Variants in STK32B observed in about 807,000 individuals in gnomAD.
STK32B encodes serine/threonine-protein kinase 32B.
Under a neutral mutation model 52.6 loss-of-function variants are expected in STK32B, and 43 were observed. That is an observed-to-expected ratio of 0.82 (90% CI 0.64 to 1.05). The LOEUF (loss-of-function observed/expected upper bound fraction) is 1.05. STK32B is among the 50% of genes least tolerant of loss of function. The pLI is 0.00. For missense variants in STK32B, 621 were observed against 534.6 expected, an observed-to-expected ratio of 1.16 and a Z score of -1.59; for synonymous variants, 238 against 204.3, an observed-to-expected ratio of 1.17 and a Z score of -1.41.
chr4:5,198,814 G>A (rs908914573), intron 3 of STK32B, among the ~76,000 whole-genome samples: 2 of 152,180 alleles, frequency 1.3e-5, no homozygotes, highest in Admixed American at 6.5e-5. Context: ...GTCACATTTC[G>A]GTGGCACTGG....
intron 3 of STK32B, among the ~76,000 whole-genome samples, chr4:5,223,293 G>A (rs1723654853): frequency 6.6e-6 from 1 of 152,148 alleles, no homozygotes; most frequent in Admixed American, 6.5e-5. Flanking sequence ...TCTGCTGCAG[G>A]GGCAGAGCTG....
chr4:5,458,516 C>T (rs1716761481), intron 8 of STK32B: 1 of 152,174 alleles, frequency 6.6e-6, no homozygotes, highest in Non-Finnish European at 1.5e-5. Flanking sequence ...TATTAAAAGG[C>T]AGAAGCAGGA....
intron 2 of STK32B, among the ~76,000 whole-genome samples, chr4:5,149,686 T>A (rs1717189189): frequency 6.6e-6 from 1 of 151,848 alleles, no homozygotes; most frequent in Non-Finnish European, 1.5e-5. Context: ...AAATTATAAA[T>A]CTCTAATACA....
intron 7 of STK32B, among the ~76,000 whole-genome samples, chr4:5,454,148 C>T (rs1171044236): frequency 6.6e-6 from 1 of 152,150 alleles, no homozygotes; most frequent in Non-Finnish European, 1.5e-5. Flanking sequence ...CCGCTCATGC[C>T]GGGCCCCATC....
intron 3 of STK32B, among the ~76,000 whole-genome samples, chr4:5,248,668 A>G (rs1359795053): frequency 2.0e-5 from 3 of 152,224 alleles, no homozygotes; most frequent in Non-Finnish European, 4.4e-5. Context: ...AAAGACTTGG[A>G]ACCAACCCAA....
At chr4:5,226,080 G>A (rs775460778) in intron 3 of STK32B, among the ~76,000 whole-genome samples, 3 of 152,082 alleles carry the variant, frequency 2.0e-5, no homozygotes, top group African/African-American at 2.4e-5. Context: ...TTTTAAAATC[G>A]ATTAAATAAG....
At chr4:5,366,987 AG>A (rs1453756393) in intron 4 of STK32B, among the ~76,000 whole-genome samples, 1 of 152,166 alleles carries the variant, frequency 6.6e-6, no homozygotes, top group Non-Finnish European at 1.5e-5. Flanking sequence ...AGGTTGTAGA[AG>A]ATTAAAATGA....
chr4:5,241,784 T>A (rs950189509), intron 3 of STK32B, among the ~76,000 whole-genome samples: 1 of 152,112 alleles, frequency 6.6e-6, no homozygotes, highest in Non-Finnish European at 1.5e-5. Flanking sequence ...TGTCCATGTG[T>A]TCTCATTGTT....
chr4:5,488,865 C>T (rs1196940771), intron 11 of STK32B, among the ~76,000 whole-genome samples: 1 of 151,784 alleles, frequency 6.6e-6, no homozygotes, highest in Non-Finnish European at 1.5e-5. Context: ...TCTAAATAGC[C>T]TCTGAATTAG....
intron 5 of STK32B, among the ~76,000 whole-genome samples, chr4:5,413,897 T>C (rs971556186): frequency 2.0e-5 from 3 of 152,234 alleles, no homozygotes; most frequent in African/African-American, 2.4e-5. Flanking sequence ...ATATTCTGTT[T>C]ATAGTGCCAT....
intron 1 of STK32B, among the ~76,000 whole-genome samples, chr4:5,107,867 A>G (rs1274692178): frequency 6.6e-6 from 1 of 152,216 alleles, no homozygotes; most frequent in Admixed American, 6.5e-5. Flanking sequence ...GCATTTTAAT[A>G]AATTGCCATC....
chr4:5,205,619 G>T (rs1319108540), intron 3 of STK32B, among the ~76,000 whole-genome samples: 1 of 152,132 alleles, frequency 6.6e-6, no homozygotes, highest in Non-Finnish European at 1.5e-5. Context: ...TAATTTCAGA[G>T]ATTTGGGGTT....
chr4:5,070,592 TC>T (rs1428469169), intron 1 of STK32B, among the ~76,000 whole-genome samples: 1 of 152,130 alleles, frequency 6.6e-6, no homozygotes, highest in Non-Finnish European at 1.5e-5. Context: ...TACAGGATAA[TC>T]AAATTAAAAT....
At chr4:5,043,138 CT>C in the STK32B span, among the ~76,000 whole-genome samples, 1 of 145,476 alleles carries the variant, frequency 6.9e-6, no homozygotes, top group Non-Finnish European at 1.5e-5. Context: ...AAAAAAAAAC[CT>C]GTGCAGCATG....
chr4:5,484,716 G>C (rs1260755833), intron 11 of STK32B, among the ~76,000 whole-genome samples: 1 of 152,170 alleles, frequency 6.6e-6, no homozygotes, highest in East Asian at 1.9e-4. Flanking sequence ...TGTTTTTGCA[G>C]TGGCTGGTAC....
intron 1 of STK32B, among the ~76,000 whole-genome samples, chr4:5,104,569 G>A (rs569811633): frequency 2.0e-5 from 3 of 152,146 alleles, no homozygotes; most frequent in Non-Finnish European, 1.5e-5. Context: ...AGTGCATAAG[G>A]CATAAGTATA....
At chr4:5,089,518 A>T (rs1712931249) in intron 1 of STK32B, among the ~76,000 whole-genome samples, 1 of 152,068 alleles carries the variant, frequency 6.6e-6, no homozygotes, top group Non-Finnish European at 1.5e-5. Flanking sequence ...ACATGATCTC[A>T]TTCTTTTTTA....
At chr4:5,373,168 C>T (rs1006745092) in intron 4 of STK32B, among the ~76,000 whole-genome samples, 3 of 152,114 alleles carry the variant, frequency 2.0e-5, no homozygotes, top group African/African-American at 7.2e-5. Context: ...TTTCTAGGCA[C>T]TCATGCATAT....
At chr4:5,343,190 AC>A (rs745522852) in intron 4 of STK32B, among the ~76,000 whole-genome samples, 34 of 149,250 alleles carry the variant, frequency 2.3e-4, no homozygotes, top group Middle Eastern at 6.9e-3. Flanking sequence ...ATGAGTGAGA[AC>A]ATGTGGTGTT....
Sources: allele counts gnomAD v4.1 joint callset (sites outside exome capture counted in the v4.1 genomes callset), GRCh38; gene constraint gnomAD v4.1.1; transcripts MANE v1.5; gene names NCBI Gene and HGNC (gene_info 2026-07-23, HGNC 2026-07-21).